Variants in PIWIL4 observed in about 807,000 individuals in gnomAD.
The protein encoded by PIWIL4 is piwi like RNA-mediated gene silencing 4, also known as piwi-like protein 4.
In PIWIL4, 50 loss-of-function variants were observed where a neutral mutation model predicts 100.9. That is an observed-to-expected ratio of 0.50 (90% CI 0.39 to 0.63). The LOEUF (loss-of-function observed/expected upper bound fraction) is 0.63, where lower values mean the gene tolerates loss of function less well. Among genes scored for constraint, PIWIL4 ranks in the 20% least tolerant of loss-of-function variants. The pLI is 0.00. For synonymous variants in PIWIL4, 342 were observed against 367.5 expected (o/e 0.93, Z 0.79); for missense variants, 887 against 1,043.3 (o/e 0.85, Z 2.06).
intron 6 of PIWIL4, among the ~76,000 whole-genome samples, chr11:94,586,464 G>A (rs1948399582): frequency 6.6e-6 from 1 of 152,138 alleles, no homozygotes; most frequent in East Asian, 1.9e-4. Context: ...GCTGTGTTCC[G>A]GTTTCTCTTG....
chr11:94,567,514 G>A lies in PIWIL4; in HGVS notation c.-5G>A. ...TCTTGTGGCCACTCTGGGCTCACCGGGAACATGAGTGGAAGAGCCCGAGTG... is the reference window on the plus strand; with the variant it reads ...TCTTGTGGCCACTCTGGGCTCACCGAGAACATGAGTGGAAGAGCCCGAGTG... On this transcript the variant is annotated 5_prime_UTR_variant, in exon 1 of 20. Transcript: ENST00000299001. 1.3e-6 allele frequency: 2 copies of A among 1,586,326 alleles called. No individual in the cohort carries two copies. Among genetic ancestry groups the A allele is most frequent in the Non-Finnish European group, 1.7e-6 (2 of 1,165,718 alleles).
chr11:94,598,545 TC>T (rs900114684), intron 11 of PIWIL4, among the ~76,000 whole-genome samples: 1 of 151,978 alleles, frequency 6.6e-6, no homozygotes, highest in African/African-American at 2.4e-5. Context: ...ATTATCTTTC[TC>T]CCCTCCCCCT....
rs765255235 is a variant in PIWIL4 at position 94,608,683 on chromosome 11, C to A, written c.1940C>A (p.Thr647Asn). The A allele has an allele frequency of 1.2e-6, 2 of 1,612,960 alleles. No homozygotes were observed. Among genetic ancestry groups the A allele is most frequent in the Non-Finnish European group, 1.7e-6 (2 of 1,179,094 alleles). Reference sequence around the variant, plus strand: ...GTGGCCAGTGTTAACCCCAGAATCACCAGGTACTGCTAAAACTACCTGAAC... The same window carrying A: ...GTGGCCAGTGTTAACCCCAGAATCAACAGGTACTGCTAAAACTACCTGAAC... ...GCVASVNPRI[T>N]RWFSRCILQR... Residue 647 changes from threonine (T) to asparagine (N), a missense_variant, in exon 15 of 20, where the codon ACC becomes AAC. Coordinates refer to ENST00000299001, the MANE Select transcript of PIWIL4 (RefSeq NM_152431.3).
intron 7 of PIWIL4, 113 bp from the exon 8 acceptor site, chr11:94,589,008 C>T: frequency 1.5e-6 from 1 of 671,038 alleles, no homozygotes; most frequent in Non-Finnish European, 2.5e-6. Flanking sequence ...TTATTGTTTT[C>T]ATAATTTCTG....
At chr11:94,616,029 C>T (rs979964440) in intron 15 of PIWIL4, among the ~76,000 whole-genome samples, 4 of 152,196 alleles carry the variant, frequency 2.6e-5, no homozygotes, top group African/African-American at 9.7e-5. Flanking sequence ...ACAGTAGAAG[C>T]TCTATTGCTA....
chr11:94,587,348 T>C (rs1948415384), intron 7 of PIWIL4, 101 bp downstream of exon 7: 1 of 1,198,190 alleles, frequency 8.3e-7, no homozygotes, highest in Admixed American at 2.5e-5. Flanking sequence ...ATCACAGATC[T>C]AATCCATTTA....
At chr11:94,592,020 T>G (rs1427093875) in intron 8 of PIWIL4, among the ~76,000 whole-genome samples, 4 of 152,178 alleles carry the variant, frequency 2.6e-5, no homozygotes, top group Non-Finnish European at 5.9e-5. Context: ...TACCTGAGAC[T>G]ATCCGTACTC....
rs754740820 is a variant in PIWIL4 at position 94,607,535 on chromosome 11, G to A, written c.1735G>A (p.Ala579Thr). 9 of 1,614,030 alleles carry A rather than the reference G, an allele frequency of 5.6e-6. No individual in the cohort carries two copies. The African/African-American group carries it at 1.2e-4, about 22-fold the overall frequency. The change falls in exon 14 of 20, where the codon GCT becomes ACT. Residue 579 changes from alanine to threonine, a missense_variant. Ala to Thr is a moderately conservative substitution (Grantham distance 58). This residue lies in a region of PIWIL4 where 741 missense variants were observed against 930.0 expected (regional missense o/e 0.80). Coordinates refer to ENST00000299001, the MANE Select transcript of PIWIL4 (RefSeq NM_152431.3). ...DCPVPSQCVL[A>T]RTLNKQGMMM... ...CCCAGTCCCAAGCCAATGTGTGCTT[G>A]CTCGGACCTTGAATAAACAGGGCAT... is the stretch of plus-strand genomic sequence containing the variant.
At position 94,596,250 on chromosome 11, in the gene PIWIL4, C is replaced by CT. The variant is rs912905757; in HGVS notation, c.1268+837dup. Reference sequence around the variant, plus strand: ...TTGGGCTATATTGTTGATCAACAGTCTTTTTTTTTTTTTCTTAAATCTTTT... The same window carrying CT: ...TTGGGCTATATTGTTGATCAACAGTCTTTTTTTTTTTTTTCTTAAATCTTTT... On this transcript the variant is annotated intron_variant, in intron 10 of 19. Coordinates refer to ENST00000299001, the MANE Select transcript of PIWIL4 (RefSeq NM_152431.3). 3.6e-3 allele frequency among the ~76,000 whole-genome samples: 501 copies of CT among 138,708 alleles called. 2 individuals are homozygous for CT. The highest frequency in any genetic ancestry group is 8.6e-3 in the African/African-American group (326 of 37,990). 91.0% of individuals were successfully genotyped at this position (138,708 alleles called of 152,430 possible).
chr11:94,617,581 A>T (rs550128602), intron 16 of PIWIL4, among the ~76,000 whole-genome samples: 2 of 152,348 alleles, frequency 1.3e-5, no homozygotes, highest in African/African-American at 4.8e-5. Flanking sequence ...GGAAAATGAC[A>T]TAAAATTAGT....
In PIWIL4 at chr11:94,567,541, A is replaced by T. The variant is rs1443519911; in HGVS notation, c.23A>T (p.Lys8Met). The change falls in exon 1 of 20, where the codon AAG becomes ATG. Residue 8 changes from lysine to methionine, a missense_variant. Physicochemically the swap from Lys to Met is moderately conservative, Grantham distance 95 (BLOSUM62 -1). Coordinates refer to ENST00000299001, the MANE Select transcript of PIWIL4 (RefSeq NM_152431.3). MSGRARV[K>M]ARGIARSPSA... is the part of the protein sequence containing the mutation. ...AACATGAGTGGAAGAGCCCGAGTGA[A>T]GGCCAGAGGCATCGCCCGCAGCCCC... is the stretch of plus-strand genomic sequence containing the variant. 1.2e-6 allele frequency: 2 copies of T among 1,603,240 alleles called. No individual in the cohort carries two copies. The highest frequency in any genetic ancestry group is 2.3e-5 in the South Asian group (2 of 88,722).
intron 5 of PIWIL4, 130 bp downstream of exon 5, chr11:94,583,699 A>C: frequency 4.3e-5 from 53 of 1,229,582 alleles, no homozygotes; most frequent in Non-Finnish European, 5.8e-5. Flanking sequence ...GCAATTTCTC[A>C]AGCACCTTCT....
chr11:94,611,023 G>A (rs1273571021), intron 15 of PIWIL4, among the ~76,000 whole-genome samples: 2 of 152,122 alleles, frequency 1.3e-5, no homozygotes, highest in Non-Finnish European at 1.5e-5. Context: ...ATTTATTGAA[G>A]AGACTTTCTT....
At chr11:94,581,727 T>G (rs976613988) in intron 4 of PIWIL4, among the ~76,000 whole-genome samples, 8 of 152,200 alleles carry the variant, frequency 5.3e-5, no homozygotes, top group African/African-American at 1.7e-4. Flanking sequence ...AGTGCTGCTA[T>G]TTATTTGAAT....
chr11:94,591,964 C>T (rs1210081449), intron 8 of PIWIL4, among the ~76,000 whole-genome samples: 2 of 152,098 alleles, frequency 1.3e-5, no homozygotes, highest in Admixed American at 6.5e-5. Context: ...CATGCTCCAG[C>T]TAGAGTCCTT....
At position 94,595,348 on chromosome 11, in the gene PIWIL4, AGGCTGTGGCTGAAAAGACACGTCTC is replaced by A. The variant is rs1948542051; in HGVS notation, c.1191_1215del (p.Ala398ValfsTer26). 6.2e-7 allele frequency: 1 copy of A among 1,613,946 alleles called. No individual in the cohort carries two copies. The highest frequency in any genetic ancestry group is 8.5e-7 in the Non-Finnish European group (1 of 1,179,922). ...GCAACATCTGATTTCCAGCTGATGA[AGGCTGTGGCTGAAAAGACACGTCTC>A]AGTCCTTCAGGCCGGCAGCAGCGCC... On this transcript the variant is annotated frameshift_variant, in exon 10 of 20. Transcript: ENST00000299001. LOFTEE classifies it high-confidence loss of function.
At chr11:94,608,118 CT>C in intron 14 of PIWIL4, 1 of 177,868 alleles carries the variant, frequency 5.6e-6, no homozygotes, top group Non-Finnish European at 1.2e-5. Flanking sequence ...TGCCCATTTC[CT>C]TACATGTCCA....
chr11:94,606,198 G>C (rs1000327582), intron 13 of PIWIL4, among the ~76,000 whole-genome samples: 1 of 152,068 alleles, frequency 6.6e-6, no homozygotes, highest in Non-Finnish European at 1.5e-5. Context: ...AGTCTCACTC[G>C]GCTCCCATCT....
chr11:94,595,374 A>G lies in PIWIL4; in HGVS notation c.1216A>G (p.Ser406Gly), dbSNP rs1948542513. Residue 406 changes from serine (S) to glycine (G), a missense_variant, in exon 10 of 20, where the codon AGT (serine) becomes GGT (glycine). This residue lies in a region of PIWIL4 where 741 missense variants were observed against 930.0 expected (regional missense o/e 0.80). Coordinates refer to ENST00000299001, the MANE Select transcript of PIWIL4 (RefSeq NM_152431.3). Reference protein sequence around the residue: ...MKAVAEKTRLSPSGRQQRLAR... With the variant: ...MKAVAEKTRLGPSGRQQRLAR... ...GGCTGTGGCTGAAAAGACACGTCTCAGTCCTTCAGGCCGGCAGCAGCGCCT... is the reference window on the plus strand; with the variant it reads ...GGCTGTGGCTGAAAAGACACGTCTCGGTCCTTCAGGCCGGCAGCAGCGCCT... 1 of 1,613,956 alleles carries G rather than the reference A, an allele frequency of 6.2e-7. No homozygotes were observed. The highest frequency in any genetic ancestry group is 8.5e-7 in the Non-Finnish European group (1 of 1,179,926).
Sources: allele counts gnomAD v4.1 joint callset (sites outside exome capture counted in the v4.1 genomes callset), GRCh38; gene constraint gnomAD v4.1.1; regional missense constraint gnomAD v4.1.1; transcripts MANE v1.5; gene names NCBI Gene and HGNC (gene_info 2026-07-23, HGNC 2026-07-21).